DACH2: variants seen among roughly 807,000 people sequenced by gnomAD.
DACH2 encodes dachshund family transcription factor 2, also known as dachshund homolog 2.
In DACH2, 17 loss-of-function variants were observed where a neutral mutation model predicts 35.8. The observed-to-expected ratio is 0.48, with a 90% CI of 0.33 to 0.71. DACH2 has a LOEUF of 0.71. DACH2 is among the 30% of genes least tolerant of loss of function. The probability of loss-of-function intolerance (pLI) is 0.02; values close to 1 mark genes in which losing one functional copy is unlikely to be tolerated. For missense variants in DACH2, 469 were observed against 472.7 expected (o/e 0.99, Z 0.07); for synonymous variants, 195 against 177.3 (o/e 1.10, Z -0.79).
chrX:86,508,549 G>C (rs1237449852), intron 2 of DACH2, among the ~76,000 whole-genome samples: 4 of 105,758 alleles, frequency 3.8e-5, no homozygotes, highest in African/African-American at 1.4e-4. Flanking sequence ...GACAGAGTGA[G>C]ACTCTGTCTC....
chrX:86,593,019 A>G (rs1338050432), intron 3 of DACH2, among the ~76,000 whole-genome samples: 1 of 110,899 alleles, frequency 9.0e-6, no homozygotes, highest in Non-Finnish European at 1.9e-5. Context: ...TTCTTTTCCT[A>G]TTATGTTGGC....
chrX:86,449,921 T>G (rs1389759258), intron 2 of DACH2, among the ~76,000 whole-genome samples: 4 of 111,864 alleles, frequency 3.6e-5, no homozygotes, highest in African/African-American at 9.7e-5. Context: ...TCACTCACCA[T>G]TGTTTCAGTT....
chrX:86,679,600 C>G (rs956861051), intron 4 of DACH2, among the ~76,000 whole-genome samples: 1 of 96,714 alleles, frequency 1.0e-5, no homozygotes, highest in East Asian at 3.0e-4. Context: ...GTCTCTCTCT[C>G]TCTCTCTCTC....
At chrX:86,487,250 G>A (rs1375342250) in intron 2 of DACH2, among the ~76,000 whole-genome samples, 1 of 111,679 alleles carries the variant, frequency 9.0e-6, no homozygotes, top group Non-Finnish European at 1.9e-5. Flanking sequence ...CACTTTAAAT[G>A]TAATCACCCT....
intron 3 of DACH2, among the ~76,000 whole-genome samples, chrX:86,541,661 G>C (rs2038883655): frequency 9.0e-6 from 1 of 111,326 alleles, no homozygotes; most frequent in Non-Finnish European, 1.9e-5. Flanking sequence ...ATTCATTTGA[G>C]ATTATATTTA....
At chrX:86,330,979 A>C (rs954842423) in intron 1 of DACH2, among the ~76,000 whole-genome samples, 9 of 111,790 alleles carry the variant, frequency 8.1e-5, no homozygotes, top group Non-Finnish European at 1.7e-4. Flanking sequence ...TACACATGAA[A>C]TTTTACTTTA....
At chrX:86,198,576 A>T (rs977351361) in intron 1 of DACH2, among the ~76,000 whole-genome samples, 1 of 111,765 alleles carries the variant, frequency 8.9e-6, no homozygotes, top group African/African-American at 3.3e-5. Flanking sequence ...AAAACAAAAA[A>T]GGGGATATTA....
At chrX:86,655,834 A>C (rs2040532746) in intron 4 of DACH2, among the ~76,000 whole-genome samples, 2 of 111,708 alleles carry the variant, frequency 1.8e-5, no homozygotes, top group South Asian at 3.7e-4. Flanking sequence ...ATTACTTCTA[A>C]GATAATCAAA....
chrX:86,519,456 C>A (rs183171074), intron 3 of DACH2, among the ~76,000 whole-genome samples: 36 of 111,530 alleles, frequency 3.2e-4, no homozygotes, highest in African/African-American at 1.1e-3. Context: ...TTTGGAATAG[C>A]TTCAGTAGGA....
chrX:86,821,619 G>C (rs1418878772), intron 11 of DACH2, among the ~76,000 whole-genome samples: 1 of 111,341 alleles, frequency 9.0e-6, no homozygotes, highest in Non-Finnish European at 1.9e-5. Context: ...TCAGACCATA[G>C]TACACATTAT....
intron 2 of DACH2, among the ~76,000 whole-genome samples, chrX:86,459,445 G>A (rs932993814): frequency 5.4e-5 from 6 of 111,462 alleles, no homozygotes; most frequent in Admixed American, 1.9e-4. Flanking sequence ...TTTGTACCTG[G>A]AACCATGTTT....
At chrX:86,508,989 A>C (rs1048958327) in intron 2 of DACH2, among the ~76,000 whole-genome samples, 1 of 111,662 alleles carries the variant, frequency 9.0e-6, no homozygotes, top group Non-Finnish European at 1.9e-5. Flanking sequence ...ATTTATTATA[A>C]TTATAAGATT....
intron 1 of DACH2, among the ~76,000 whole-genome samples, chrX:86,365,650 C>T (rs1208089169): frequency 9.0e-6 from 1 of 111,191 alleles, no homozygotes; most frequent in Admixed American, 9.6e-5. Context: ...TAATATAGGA[C>T]CTGGAAAAAA....
intron 3 of DACH2, among the ~76,000 whole-genome samples, chrX:86,629,465 A>T (rs1242364246): frequency 8.9e-6 from 1 of 111,861 alleles, no homozygotes; most frequent in East Asian, 2.8e-4. Flanking sequence ...TGTATATAGT[A>T]TTAATAATTC....
chrX:86,272,519 C>T (rs957328485), intron 1 of DACH2, among the ~76,000 whole-genome samples: 1 of 111,429 alleles, frequency 9.0e-6, no homozygotes, highest in Non-Finnish European at 1.9e-5. Flanking sequence ...AAGAAAACAT[C>T]TTCGTGTGAG....
intron 4 of DACH2, among the ~76,000 whole-genome samples, chrX:86,673,359 A>C (rs1200176917): frequency 2.0e-5 from 2 of 99,451 alleles, no homozygotes; most frequent in African/African-American, 7.4e-5. Flanking sequence ...AAAAAAAAAA[A>C]GAAGAAGAAG....
At chrX:86,160,108 A>G (rs986858885) in intron 1 of DACH2, among the ~76,000 whole-genome samples, 1 of 111,607 alleles carries the variant, frequency 9.0e-6, no homozygotes, top group Non-Finnish European at 1.9e-5. Context: ...AGATTTTACA[A>G]TGCATTGTTA....
intron 3 of DACH2, among the ~76,000 whole-genome samples, chrX:86,585,561 A>G (rs916342165): frequency 1.8e-5 from 2 of 110,279 alleles, no homozygotes; most frequent in Non-Finnish European, 3.8e-5. Context: ...TCCCTCCTCC[A>G]ACCTTCCATC....
At chrX:86,332,827 G>T (rs995829346) in intron 1 of DACH2, among the ~76,000 whole-genome samples, 2 of 111,812 alleles carry the variant, frequency 1.8e-5, no homozygotes, top group Non-Finnish European at 3.8e-5. Context: ...ATTATAACAA[G>T]TTTGTTTCAT....
Sources: gnomAD v4.1 joint callset for allele counts (sites outside exome capture counted in the v4.1 genomes callset) on GRCh38, gnomAD v4.1.1 for gene constraint, MANE v1.5 for transcripts, NCBI Gene and HGNC (gene_info 2026-07-23, HGNC 2026-07-21) for gene names.